The following LRRFIP1 variants were observed in gnomAD, a reference collection of about 807,000 sequenced individuals.
LRRFIP1 encodes the protein LRR binding FLII interacting protein 1.
Under a neutral mutation model 104.4 loss-of-function variants are expected in LRRFIP1, and 62 were observed. That is an observed-to-expected ratio of 0.59 (90% CI 0.48 to 0.73). The LOEUF is 0.73. Among genes scored for constraint, LRRFIP1 ranks in the 30% least tolerant of loss-of-function variants. The probability of loss-of-function intolerance (pLI) is 0.00; values close to 1 mark genes in which losing one functional copy is unlikely to be tolerated. For synonymous variants in LRRFIP1, 300 were observed against 299.0 expected (o/e 1.00, Z -0.03); for missense variants, 796 against 824.5 (o/e 0.97, Z 0.42).
intron 2 of LRRFIP1, among the ~76,000 whole-genome samples, chr2:237,713,254 A>G (rs1209502570): frequency 1.3e-5 from 2 of 152,186 alleles, no homozygotes. Context: ...TCTTTCTTGA[A>G]TGGTTCTTTT....
rs191101284 is a variant in LRRFIP1 at position 237,712,125 on chromosome 2, A to C, written c.184-2134A>C. On this transcript the variant is annotated intron_variant, in intron 2 of 23. Transcript: ENST00000308482. ...GCTGGGCTTGGTGCTGTCACCTACC[A>C]CTGGTGACGGGCATCTTCCCAAACT... 3.3e-3 allele frequency among the ~76,000 whole-genome samples: 498 copies of C among 152,324 alleles called. 8 individuals carry two copies. The East Asian group carries it at 0.046, about 14-fold the overall frequency.
In LRRFIP1 at chr2:237,756,122, A is replaced by G; in HGVS notation, c.1066A>G (p.Ser356Gly). Residue 356 changes from serine (S) to glycine (G), a missense_variant, in exon 16 of 24, where the codon AGT (serine) becomes GGT (glycine). By Grantham distance (56) the Ser-to-Gly change is moderately conservative. Transcript: ENST00000308482. The part of the protein sequence containing the change: ...KEFEREKHAH[S>G]ILQFQFAEVK... The stretch of plus-strand genomic sequence containing the variant: ...ATTTGAAAGGGAAAAACACGCCCAC[A>G]GTATACTGCAATTTCAGTTTGCTGA... 1 of 1,613,990 alleles carries G rather than the reference A, an allele frequency of 6.2e-7. No individual in the cohort carries two copies. The highest frequency in any genetic ancestry group is 8.5e-7 in the Non-Finnish European group (1 of 1,179,934).
intron 15 of LRRFIP1, among the ~76,000 whole-genome samples, chr2:237,754,503 C>G (rs1387896492): frequency 6.6e-6 from 1 of 152,160 alleles, no homozygotes; most frequent in Non-Finnish European, 1.5e-5. Context: ...TTTTTTCATA[C>G]TTTTAGGAAT....
intron 7 of LRRFIP1, among the ~76,000 whole-genome samples, chr2:237,727,154 G>A (rs563063325): frequency 2.6e-5 from 4 of 152,094 alleles, no homozygotes; most frequent in Non-Finnish European, 4.4e-5. Context: ...TCAGGAGTTC[G>A]AGACCAGCCT....
chr2:237,763,647 C>T lies in LRRFIP1; in HGVS notation c.1459+3442C>T, dbSNP rs3739040. 34,206 of 1,613,758 alleles carry T rather than the reference C, an allele frequency of 0.021. 3,753 individuals carry two copies. The African/African-American group carries it at 0.3, about 14-fold the overall frequency. On this transcript the variant is annotated intron_variant, in intron 19 of 23. Transcript: ENST00000308482. ...GAAAGCAGTGAAAATGTTGATTGTC[C>T]GGAGAATCCTAAAATTAAGTTGGAT... is the stretch of plus-strand genomic sequence containing the variant.
At chr2:237,758,701 C>A in intron 17 of LRRFIP1, 28 bp from the exon 18 acceptor site, 5 of 1,539,730 alleles carry the variant, frequency 3.2e-6, no homozygotes, top group Non-Finnish European at 4.5e-6. Flanking sequence ...AAATCTTCTT[C>A]TTTCTCTTGG....
At chr2:237,746,748 A>C (rs554976191) in intron 11 of LRRFIP1, among the ~76,000 whole-genome samples, 4 of 152,340 alleles carry the variant, frequency 2.6e-5, no homozygotes, top group African/African-American at 7.2e-5. Flanking sequence ...CCAACGTGAG[A>C]ATGGACATCA....
At position 237,779,449 on chromosome 2, in the gene LRRFIP1, G is replaced by C; in HGVS notation, c.1840G>C (p.Glu614Gln). Residue 614 changes from glutamate (E) to glutamine (Q), a missense_variant, in exon 24 of 24, where the codon GAG becomes CAG. Transcript: ENST00000308482. The part of the protein sequence containing the change: ...ELRSALDKTE[E>Q]LEVSNGHLVK... ...CCGCTCTGCATTGGATAAAACAGAA[G>C]AGCTCGAGGTGAGCAACGGCCACTT... 1 of 1,613,680 alleles carries C rather than the reference G, an allele frequency of 6.2e-7. No individual in the cohort carries two copies. The highest frequency in any genetic ancestry group is 1.3e-5 in the African/African-American group (1 of 75,040).
At chr2:237,670,856 G>A (rs1016522856) in intron 1 of LRRFIP1, among the ~76,000 whole-genome samples, 6 of 152,200 alleles carry the variant, frequency 3.9e-5, no homozygotes, top group Non-Finnish European at 5.9e-5. Flanking sequence ...AGCGTGCCAG[G>A]CATTTTCCGA....
chr2:237,640,508 G>A (rs1575069624), intron 1 of LRRFIP1, among the ~76,000 whole-genome samples: 1 of 152,062 alleles, frequency 6.6e-6, no homozygotes, highest in African/African-American at 2.4e-5. Context: ...CTCACCTGTG[G>A]AGGTGGGGCT....
rs1334901324 is a variant in LRRFIP1 at position 237,661,285 on chromosome 2, T to C, written c.96+33545T>C. ...AGGCTTGGCTTCCCCTGGCTGCTGCTAATTCTGGAGGACACAGTGGGGTGG... is the reference window on the plus strand; with the variant it reads ...AGGCTTGGCTTCCCCTGGCTGCTGCCAATTCTGGAGGACACAGTGGGGTGG... On this transcript the variant is annotated intron_variant, in intron 1 of 23. Transcript: ENST00000308482. This position sits in a 1 kb window ranked among gnomAD's most constrained non-coding sequence, Gnocchi z 4.4. Among the ~76,000 whole-genome samples, 1 of 152,168 alleles carries C rather than the reference T, an allele frequency of 6.6e-6. No homozygotes were observed. Among genetic ancestry groups the C allele is most frequent in the Non-Finnish European group, 1.5e-5 (1 of 68,028 alleles).
intron 19 of LRRFIP1, chr2:237,765,200 T>A (rs1288858851): frequency 6.2e-6 from 1 of 162,576 alleles, no homozygotes; most frequent in Non-Finnish European, 1.3e-5. Context: ...GAGGCAGAGA[T>A]TGCAGTGAGC....
intron 1 of LRRFIP1, among the ~76,000 whole-genome samples, chr2:237,629,269 C>A (rs1420496785): frequency 6.6e-6 from 1 of 152,166 alleles, no homozygotes; most frequent in Non-Finnish European, 1.5e-5. Flanking sequence ...AATATAGTAG[C>A]TTGAGTATAA....
chr2:237,734,401 C>T (rs1559720532), intron 9 of LRRFIP1, among the ~76,000 whole-genome samples: 1 of 151,286 alleles, frequency 6.6e-6, no homozygotes, highest in Non-Finnish European at 1.5e-5. Context: ...CTGCCTCAGC[C>T]TCCTGGGTAG....
At position 237,656,338 on chromosome 2, in the gene LRRFIP1, G is replaced by A. The variant is rs138521735; in HGVS notation, c.96+28598G>A. Among the ~76,000 whole-genome samples, 575 of 152,308 alleles carry A rather than the reference G, an allele frequency of 3.8e-3. 1 individual carries two copies. Among genetic ancestry groups the A allele is most frequent in the African/African-American group, 0.013 (561 of 41,564 alleles). On this transcript the variant is annotated intron_variant, in intron 1 of 23. Coordinates refer to ENST00000308482, the MANE Select transcript of LRRFIP1 (RefSeq NM_001137550.2). Reference sequence around the variant, plus strand: ...AAAGCTATTATACTGGGCAGGGGTAGGGCATGAGTTTAAAGATATTTGAGT... The same window carrying A: ...AAAGCTATTATACTGGGCAGGGGTAAGGCATGAGTTTAAAGATATTTGAGT...
chr2:237,740,505 G>A (rs1172991751), intron 11 of LRRFIP1, among the ~76,000 whole-genome samples: 4 of 152,254 alleles, frequency 2.6e-5, no homozygotes, highest in Non-Finnish European at 4.4e-5. Context: ...ATACTTCAGC[G>A]TGCTGATCCC....
In LRRFIP1 at chr2:237,772,217, G is replaced by A; in HGVS notation, c.1627+19G>A. The A allele has an allele frequency of 3.2e-6, 5 of 1,582,342 alleles. No individual in the cohort carries two copies. Among genetic ancestry groups the A allele is most frequent in the South Asian group, 1.1e-5 (1 of 90,332 alleles). ...CTACAAAGTAAATGTCAATTCTTGT[G>A]TAGAAGTAAATGCTTTCACATGTGC... On this transcript the variant is annotated intron_variant, in intron 21 of 23. Transcript: ENST00000308482.
intron 17 of LRRFIP1, among the ~76,000 whole-genome samples, 170 bp from the exon 18 acceptor site, chr2:237,758,559 C>T (rs961671821): frequency 2.0e-5 from 3 of 152,172 alleles, no homozygotes; most frequent in East Asian, 1.9e-4. Context: ...ATATACTAAG[C>T]GAAAAGCTTA....
At chr2:237,690,174 G>C (rs1276932587) in intron 1 of LRRFIP1, among the ~76,000 whole-genome samples, 2 of 152,170 alleles carry the variant, frequency 1.3e-5, no homozygotes, top group East Asian at 3.8e-4. Flanking sequence ...TTGCCTCAGG[G>C]ACATGCCAAG....
Sources: allele counts gnomAD v4.1 joint callset (sites outside exome capture counted in the v4.1 genomes callset), GRCh38; gene constraint gnomAD v4.1.1; non-coding constraint Gnocchi (gnomAD v3.1); transcripts MANE v1.5; gene names NCBI Gene and HGNC (gene_info 2026-07-23, HGNC 2026-07-21).